The following PLD5 variants were observed in gnomAD, a reference collection of about 807,000 sequenced individuals.
PLD5 encodes inactive phospholipase D5.
A neutral mutation model predicts 61.1 loss-of-function variants in PLD5; 36 were observed. The ratio of observed to expected loss-of-function variants is 0.59; its 90% CI spans 0.45 to 0.78. The LOEUF (loss-of-function observed/expected upper bound fraction) is 0.78. Ranked by LOEUF, PLD5 falls within the 30% of genes least tolerant of loss-of-function variation. The pLI is 0.00. For synonymous variants in PLD5, 243 were observed against 242.8 expected (o/e 1.00, Z -0.01); for missense variants, 515 against 644.4 (o/e 0.80, Z 2.17).
intron 1 of PLD5, among the ~76,000 whole-genome samples, chr1:242,395,834 G>A (rs1663540146): frequency 6.6e-6 from 1 of 152,180 alleles, no homozygotes; most frequent in Non-Finnish European, 1.5e-5. Flanking sequence ...TGAATCATGA[G>A]GTCAGGAGTT....
intron 2 of PLD5, among the ~76,000 whole-genome samples, chr1:242,343,264 C>A (rs1176638795): frequency 6.6e-6 from 1 of 151,844 alleles, no homozygotes; most frequent in Non-Finnish European, 1.5e-5. Flanking sequence ...GTAATAAGAT[C>A]TCAGCAAAGG....
chr1:242,504,179 G>A (rs1454148596), intron 1 of PLD5, among the ~76,000 whole-genome samples: 1 of 152,176 alleles, frequency 6.6e-6, no homozygotes, highest in African/African-American at 2.4e-5. Flanking sequence ...GAAGTTCGAT[G>A]CACCAATGAA....
rs1661771211 is a variant in PLD5 at position 242,373,532 on chromosome 1, A to G, written c.190-25290T>C. Among the ~76,000 whole-genome samples the G allele has an allele frequency of 2.0e-5, 3 of 152,310 alleles. No homozygotes were observed. In the East Asian group the frequency reaches 5.8e-4, roughly 29 times the overall value. Reference sequence around the variant, plus strand: ...TTATTGTGGCGCTATTCACAATAGCAGAGACCTGGAACCAACCGAAATGTC... The same window carrying G: ...TTATTGTGGCGCTATTCACAATAGCGGAGACCTGGAACCAACCGAAATGTC... On this transcript the variant is annotated intron_variant, in intron 1 of 9. Transcript: ENST00000536534.
intron 6 of PLD5, among the ~76,000 whole-genome samples, chr1:242,117,386 A>AT (rs35814106): frequency 1.5e-4 from 22 of 148,852 alleles, no homozygotes; most frequent in South Asian, 4.3e-4. Context: ...TCCTCCATGA[A>AT]TTTTTTTTTT....
intron 1 of PLD5, among the ~76,000 whole-genome samples, chr1:242,390,330 G>A (rs1662856643): frequency 6.6e-6 from 1 of 152,126 alleles, no homozygotes; most frequent in Non-Finnish European, 1.5e-5. Flanking sequence ...TCCAGATAAG[G>A]AGAGATTCTG....
chr1:242,482,256 T>G (rs1344656473), intron 1 of PLD5, among the ~76,000 whole-genome samples: 1 of 152,008 alleles, frequency 6.6e-6, no homozygotes, highest in Non-Finnish European at 1.5e-5. Flanking sequence ...AATCAAACTA[T>G]TCCAACCTAA....
chr1:242,199,989 T>G (rs982872595), intron 5 of PLD5, among the ~76,000 whole-genome samples: 2 of 152,234 alleles, frequency 1.3e-5, no homozygotes, highest in Non-Finnish European at 2.9e-5. Context: ...GCCTTAGAGA[T>G]GCAAATTGCC....
chr1:242,524,080 G>T lies in PLD5; in HGVS notation c.189+8C>A. On this transcript the variant is annotated splice_region_variant and intron_variant, in intron 1 of 9. Transcript: ENST00000536534. ...TGGCCGAGGCCCCCGGGAGCGAGTCGCCCTTACGTGCTCCAGCTTGTCTTT... is the reference window on the plus strand; with the variant it reads ...TGGCCGAGGCCCCCGGGAGCGAGTCTCCCTTACGTGCTCCAGCTTGTCTTT... 6.5e-7 allele frequency: 1 copy of T among 1,532,030 alleles called. No individual in the cohort carries two copies. Among genetic ancestry groups the T allele is most frequent in the Non-Finnish European group, 8.7e-7 (1 of 1,144,818 alleles). 94.9% of individuals were successfully genotyped at this position (1,532,030 alleles called of 1,614,324 possible).
intron 1 of PLD5, among the ~76,000 whole-genome samples, chr1:242,382,735 T>A (rs1662371053): frequency 6.6e-6 from 1 of 152,146 alleles, no homozygotes; most frequent in South Asian, 2.1e-4. Flanking sequence ...ATTGAAAACA[T>A]ATAAAACAGT....
At chr1:242,410,346 A>G (rs1664480398) in intron 1 of PLD5, among the ~76,000 whole-genome samples, 1 of 152,204 alleles carries the variant, frequency 6.6e-6, no homozygotes, top group Non-Finnish European at 1.5e-5. Flanking sequence ...ACACAGTTAT[A>G]CCTGGACAGA....
chr1:242,255,578 C>T (rs1448109430), intron 4 of PLD5, among the ~76,000 whole-genome samples: 1 of 152,128 alleles, frequency 6.6e-6, no homozygotes, highest in Non-Finnish European at 1.5e-5. Context: ...GCACATGTAC[C>T]CTAAAACTTA....
intron 1 of PLD5, among the ~76,000 whole-genome samples, chr1:242,410,102 G>A (rs1286359676): frequency 1.3e-5 from 2 of 152,244 alleles, no homozygotes; most frequent in South Asian, 2.1e-4. Flanking sequence ...CACCCTAACT[G>A]CTGTTAGGGG....
chr1:242,477,775 C>G (rs1362725862), intron 1 of PLD5, among the ~76,000 whole-genome samples: 1 of 152,146 alleles, frequency 6.6e-6, no homozygotes, highest in Non-Finnish European at 1.5e-5. Flanking sequence ...CTGGAGCAAG[C>G]AGTGTCCCAG....
intron 2 of PLD5, among the ~76,000 whole-genome samples, chr1:242,344,946 A>C (rs915079060): frequency 6.6e-6 from 1 of 152,208 alleles, no homozygotes; most frequent in Non-Finnish European, 1.5e-5. Flanking sequence ...TGGCAGTGGC[A>C]AGAGAAAATG....
At position 242,265,410 on chromosome 1, in the gene PLD5, C is replaced by T. The variant is rs377537378; in HGVS notation, c.534G>A (p.Ser178=). 137 of 1,611,934 alleles carry T rather than the reference C, an allele frequency of 8.5e-5. 1 individual carries two copies. The highest frequency in any genetic ancestry group is 5.2e-4 in the African/African-American group (39 of 74,942). ...RLFEKLLQLT[S]QNIEIKLVSD... Reference sequence around the variant, plus strand: ...TCACTAGCTTGATTTCAATATTTTGCGAAGTCAGCTGGAGCAACTTTTCAA... The same window carrying T: ...TCACTAGCTTGATTTCAATATTTTGTGAAGTCAGCTGGAGCAACTTTTCAA... Residue 178 remains serine (S), a synonymous_variant, in exon 4 of 10, where the codon TCG becomes TCA. Coordinates refer to ENST00000536534, the MANE Select transcript of PLD5 (RefSeq NM_001372062.1).
At chr1:242,160,896 ATTAAAAAAAGT>A (rs1413255367) in intron 5 of PLD5, among the ~76,000 whole-genome samples, 1 of 151,920 alleles carries the variant, frequency 6.6e-6, no homozygotes, top group Non-Finnish European at 1.5e-5. Context: ...AAAAATAATA[ATTAAAAAAAGT>A]TTATTTCATG....
chr1:242,119,463 G>C (rs1300562099), intron 6 of PLD5, among the ~76,000 whole-genome samples: 1 of 152,046 alleles, frequency 6.6e-6, no homozygotes, highest in Non-Finnish European at 1.5e-5. Context: ...TAAGGGACTT[G>C]TATACAGACT....
chr1:242,375,053 C>T (rs1345259661), intron 1 of PLD5, among the ~76,000 whole-genome samples: 1 of 152,142 alleles, frequency 6.6e-6, no homozygotes, highest in Non-Finnish European at 1.5e-5. Flanking sequence ...TTTTGCACAC[C>T]TGGCTGTCAT....
chr1:242,228,615 G>T (rs184275510), intron 4 of PLD5, among the ~76,000 whole-genome samples: 33 of 149,686 alleles, frequency 2.2e-4, no homozygotes, highest in Admixed American at 1.4e-3. Flanking sequence ...CCACATAATA[G>T]AAAGATAAGA....
Sources: allele counts gnomAD v4.1 joint callset (sites outside exome capture counted in the v4.1 genomes callset), GRCh38; gene constraint gnomAD v4.1.1; transcripts MANE v1.5; gene names NCBI Gene and HGNC (gene_info 2026-07-23, HGNC 2026-07-21).